Variants in USP6 observed in about 807,000 individuals in gnomAD.
USP6 encodes ubiquitin carboxyl-terminal hydrolase 6.
USP6 carries 128 observed loss-of-function variants against 175.7 expected under a neutral mutation model. The ratio of observed to expected loss-of-function variants is 0.73; its 90% CI spans 0.63 to 0.84. The LOEUF is 0.84. Ranked by LOEUF, USP6 falls within the 40% of genes least tolerant of loss-of-function variation. The pLI is 0.00. For missense variants in USP6, 1,498 were observed against 1,760.3 expected, an observed-to-expected ratio of 0.85 and a Z score of 2.67; for synonymous variants, 562 against 630.6, an observed-to-expected ratio of 0.89 and a Z score of 1.63.
At chr17:5,130,827 T>G in intron 11 of USP6, 143 bp downstream of exon 11, 1 of 1,210,406 alleles carries the variant, frequency 8.3e-7, no homozygotes. Flanking sequence ...AACTCCTCCC[T>G]GGCTCCCCTG....
In USP6 at chr17:5,174,655, T is replaced by G; in HGVS notation, c.*1677T>G. The G allele has an allele frequency of 5.0e-6, 1 of 198,452 alleles. No individual in the cohort carries two copies. The highest frequency in any genetic ancestry group is 1.0e-5 in the Non-Finnish European group (1 of 95,638). 12.3% of individuals were successfully genotyped at this position (198,452 alleles called of 1,614,324 possible). A position where few individuals can be genotyped will look rare whatever the true frequency, so the allele number is the denominator to read the frequency against. ...TTAAAAAGTGGAAGATTTTAAATAA[T>G]TTCTTTACAGATGTTTTATTTAAAC... On this transcript the variant is annotated 3_prime_UTR_variant, in exon 38 of 38. Coordinates refer to ENST00000574788, the MANE Select transcript of USP6 (RefSeq NM_001304284.2).
chr17:5,130,593 G>T lies in USP6; in HGVS notation c.73-9G>T. ...TGGACCCCTCACCAAGGCTCCCTCT[G>T]GGTTACAGGGACACCGAGCTGGGCT... On this transcript the variant is annotated splice_polypyrimidine_tract_variant and intron_variant, in intron 10 of 37. Coordinates refer to ENST00000574788, the MANE Select transcript of USP6 (RefSeq NM_001304284.2). The T allele has an allele frequency of 6.2e-7, 1 of 1,613,690 alleles. No homozygotes were observed. The highest frequency in any genetic ancestry group is 1.1e-5 in the South Asian group (1 of 91,068).
rs1175283983 is a variant in USP6 at position 5,168,783 on chromosome 17, G to A, written c.3245G>A (p.Arg1082Gln). ...CTTCTCCAGATTATTCACCTTAAGCGATTTCAATTTGTAAATGATCAGTGG... is the reference window on the plus strand; with the variant it reads ...CTTCTCCAGATTATTCACCTTAAGCAATTTCAATTTGTAAATGATCAGTGG... ...LPPFLIIHLK[R>Q]FQFVNDQWIK... The change falls in exon 35 of 38, where the codon CGA becomes CAA. Residue 1082 changes from arginine (R) to glutamine (Q), a missense_variant. Physicochemically the swap from Arg to Gln is conservative, Grantham distance 43 (BLOSUM62 1). Coordinates refer to ENST00000574788, the MANE Select transcript of USP6 (RefSeq NM_001304284.2). 9.4e-6 allele frequency: 15 copies of A among 1,595,398 alleles called. No homozygotes were observed. The Admixed American group carries it at 1.7e-4, about 18-fold the overall frequency.
chr17:5,140,239 C>T (rs569799360), intron 22 of USP6, among the ~76,000 whole-genome samples: 1 of 152,228 alleles, frequency 6.6e-6, no homozygotes, highest in East Asian at 1.9e-4. Flanking sequence ...TCCAGCTGCC[C>T]CTAATAATGA....
Position 5,173,009 on chromosome 17 carries a change from T to G in USP6, c.*31T>G, listed in dbSNP as rs767257070. ...CCACTCTGGCTGCTAGACAGCTTGG[T>G]GGCGAGGGAGATGACTCCTTGTAGC... On this transcript the variant is annotated 3_prime_UTR_variant, in exon 38 of 38. Transcript: ENST00000574788. 150 of 1,606,448 alleles carry G rather than the reference T, an allele frequency of 9.3e-5. No homozygotes were observed. The highest frequency in any genetic ancestry group is 9.8e-5 in the Non-Finnish European group (115 of 1,174,224).
At chr17:5,125,405 C>T (rs143623189) in intron 5 of USP6, 133 bp downstream of exon 5, 3,020 of 152,004 alleles carry the variant, frequency 0.02, 45 homozygotes, top group Non-Finnish European at 0.031. Context: ...GAAGAGTTGT[C>T]TTCAAGAAAA....
chr17:5,157,166 A>G (rs1314784509), intron 31 of USP6, among the ~76,000 whole-genome samples: 1 of 151,880 alleles, frequency 6.6e-6, no homozygotes, highest in African/African-American at 2.4e-5. Flanking sequence ...GCTCAACGCA[A>G]CCTCCACCTC....
chr17:5,159,436 A>T (rs1189489739), intron 31 of USP6, among the ~76,000 whole-genome samples: 1 of 152,246 alleles, frequency 6.6e-6, no homozygotes, highest in Non-Finnish European at 1.5e-5. Context: ...ACCAAGAATA[A>T]TAACAGGAGA....
In USP6 at chr17:5,144,684, T is replaced by G; in HGVS notation, c.1819-6T>G. The G allele has an allele frequency of 6.2e-7, 1 of 1,613,230 alleles. No individual in the cohort carries two copies. Among genetic ancestry groups the G allele is most frequent in the Non-Finnish European group, 8.5e-7 (1 of 1,179,672 alleles). On this transcript the variant is annotated splice_region_variant and splice_polypyrimidine_tract_variant and intron_variant, in intron 25 of 37. Transcript: ENST00000574788. ...ATAATGACTGTGACTTCTCTTATAT[T>G]TATAGCGGACCATAGCAAAATATGC... is the stretch of plus-strand genomic sequence containing the variant.
intron 33 of USP6, 64 bp downstream of exon 33, chr17:5,163,068 A>T: frequency 6.7e-7 from 1 of 1,487,094 alleles, no homozygotes; most frequent in Non-Finnish European, 8.9e-7. Flanking sequence ...CAGTGTAACT[A>T]TTATGCCATT....
In USP6 at chr17:5,173,081, T is replaced by C. The variant is rs2074262291; in HGVS notation, c.*103T>C. ...CTGAAAGACAAGCTAAATGTAGTTA[T>C]TTTATCCTGTTAGAACAAAAATTCT... On this transcript the variant is annotated 3_prime_UTR_variant, in exon 38 of 38. Transcript: ENST00000574788. 1 of 1,390,652 alleles carries C rather than the reference T, an allele frequency of 7.2e-7. No individual in the cohort carries two copies. The highest frequency in any genetic ancestry group is 1.4e-5 in the African/African-American group (1 of 68,988). The allele number at this position is 1,390,652 out of a possible 1,614,324, so 86.1% of individuals were successfully genotyped here.
chr17:5,116,900 G>A (rs2072550512), intron 1 of USP6, among the ~76,000 whole-genome samples, 160 bp downstream of exon 1: 1 of 152,216 alleles, frequency 6.6e-6, no homozygotes, highest in East Asian at 1.9e-4. Context: ...ATGGAGCTAG[G>A]TACGGAGGGA....
chr17:5,139,681 T>C lies in USP6; in HGVS notation c.1498+7T>C, dbSNP rs767672884. ...GCTGAACACTGCGGAGAGGGTGAGG[T>C]TGGCTTTCACTGCACTGAGCCACAA... On this transcript the variant is annotated splice_region_variant and intron_variant, in intron 22 of 37. Transcript: ENST00000574788. The C allele has an allele frequency of 3.1e-6, 5 of 1,605,264 alleles. No homozygotes were observed. In the South Asian group the frequency reaches 5.5e-5, roughly 18 times the overall value.
At position 5,137,646 on chromosome 17, in the gene USP6, C is replaced by T. The variant is rs779266345; in HGVS notation, c.826-5C>T. 1.2e-6 allele frequency: 2 copies of T among 1,603,794 alleles called. No homozygotes were observed. The highest frequency in any genetic ancestry group is 1.7e-6 in the Non-Finnish European group (2 of 1,173,570). On this transcript the variant is annotated splice_region_variant and splice_polypyrimidine_tract_variant and intron_variant, in intron 19 of 37. Transcript: ENST00000574788. Reference sequence around the variant, plus strand: ...CAGGTTCTCTCATACCTGCTGTCCCCACAGATCTCTCTCGGGCTCACCCTG... The same window carrying T: ...CAGGTTCTCTCATACCTGCTGTCCCTACAGATCTCTCTCGGGCTCACCCTG...
chr17:5,140,562 GA>G (rs1296991318), intron 22 of USP6, among the ~76,000 whole-genome samples: 1 of 152,086 alleles, frequency 6.6e-6, no homozygotes, highest in Non-Finnish European at 1.5e-5. Flanking sequence ...GACAGAGTGA[GA>G]CAATATCTCT....
chr17:5,165,402 G>A (rs1213171350), intron 33 of USP6, among the ~76,000 whole-genome samples: 8 of 151,998 alleles, frequency 5.3e-5, no homozygotes, highest in Non-Finnish European at 8.8e-5. Context: ...GCAATATGAT[G>A]TCACCCTGTC....
chr17:5,123,918 C>T lies in USP6; in HGVS notation c.-1298-648C>T, dbSNP rs1324455977. ...GCACGCACGTGCGCACACACACACA[C>T]GCACACACACACACACACACGTGAT... is the stretch of plus-strand genomic sequence containing the variant. On this transcript the variant is annotated intron_variant, in intron 4 of 37. Coordinates refer to ENST00000574788, the MANE Select transcript of USP6 (RefSeq NM_001304284.2). Among the ~76,000 whole-genome samples, 7 of 117,816 alleles carry T rather than the reference C, an allele frequency of 5.9e-5. No homozygotes were observed. In the South Asian group the frequency reaches 9.1e-4, roughly 15 times the overall value. The allele number at this position is 117,816 out of a possible 152,430, so 77.3% of individuals were successfully genotyped here.
At chr17:5,148,955 A>G (rs1368331544) in intron 30 of USP6, among the ~76,000 whole-genome samples, 188 bp downstream of exon 30, 1 of 152,090 alleles carries the variant, frequency 6.6e-6, no homozygotes, top group Non-Finnish European at 1.5e-5. Context: ...GTTGCTATGA[A>G]TGTATTTTCA....
Position 5,173,080 on chromosome 17 carries a change from A to G in USP6, c.*102A>G. On this transcript the variant is annotated 3_prime_UTR_variant, in exon 38 of 38. Coordinates refer to ENST00000574788, the MANE Select transcript of USP6 (RefSeq NM_001304284.2). ...ACTGAAAGACAAGCTAAATGTAGTT[A>G]TTTTATCCTGTTAGAACAAAAATTC... 2 of 1,409,188 alleles carry G rather than the reference A, an allele frequency of 1.4e-6. No homozygotes were observed. Among genetic ancestry groups the G allele is most frequent in the South Asian group, 2.8e-5 (2 of 70,490 alleles). The allele number at this position is 1,409,188 out of a possible 1,614,324, so 87.3% of individuals were successfully genotyped here.
Sources: gnomAD v4.1 joint callset for allele counts (sites outside exome capture counted in the v4.1 genomes callset) on GRCh38, gnomAD v4.1.1 for gene constraint, MANE v1.5 for transcripts, NCBI Gene and HGNC (gene_info 2026-07-23, HGNC 2026-07-21) for gene names.